DTNBP1: variants seen among roughly 807,000 people sequenced by gnomAD.
DTNBP1 encodes the protein dysbindin.
Under a neutral mutation model 42.8 loss-of-function variants are expected in DTNBP1, and 35 were observed. The ratio of observed to expected loss-of-function variants is 0.82; its 90% CI spans 0.63 to 1.09. DTNBP1 has a LOEUF of 1.09. Among genes scored for constraint, DTNBP1 ranks in the 50% least tolerant of loss-of-function variants. DTNBP1 has a pLI of 0.00. For missense variants in DTNBP1, 457 were observed against 424.2 expected (o/e 1.08, Z -0.68); for synonymous variants, 171 against 162.2 (o/e 1.05, Z -0.41).
intron 9 of DTNBP1, chr6:15,524,185 A>C: frequency 1.4e-6 from 2 of 1,470,682 alleles, no homozygotes; most frequent in Non-Finnish European, 1.8e-6. Context: ...CCCGCAGGAG[A>C]GTCCGCACCT....
At chr6:15,543,373 T>C (rs1387765752) in intron 7 of DTNBP1, among the ~76,000 whole-genome samples, 3 of 152,198 alleles carry the variant, frequency 2.0e-5, no homozygotes, top group Non-Finnish European at 2.9e-5. Context: ...ACAAAGCTTA[T>C]TCAGATTTCA....
intron 8 of DTNBP1, among the ~76,000 whole-genome samples, chr6:15,531,034 G>C (rs978499682): frequency 1.3e-5 from 2 of 152,128 alleles, no homozygotes; most frequent in Non-Finnish European, 2.9e-5. Flanking sequence ...CTGTGGTTGA[G>C]ATTAGCCCTA....
chr6:15,584,354 A>G (rs1775967281), intron 7 of DTNBP1, among the ~76,000 whole-genome samples: 1 of 152,148 alleles, frequency 6.6e-6, no homozygotes. Flanking sequence ...AGAGAAGAGA[A>G]AATATGTCAT....
intron 5 of DTNBP1, among the ~76,000 whole-genome samples, chr6:15,621,997 G>GA (rs1759069706): frequency 6.6e-6 from 1 of 152,130 alleles, no homozygotes; most frequent in South Asian, 2.1e-4. Context: ...TATCTCTCAG[G>GA]AATCAGTAAG....
At chr6:15,641,326 A>C (rs190867909) in intron 3 of DTNBP1, among the ~76,000 whole-genome samples, 10 of 152,300 alleles carry the variant, frequency 6.6e-5, no homozygotes, top group Admixed American at 6.5e-4. Flanking sequence ...TTCTAGACAG[A>C]AAACTGAGGG....
At chr6:15,575,931 G>A (rs1363730636) in intron 7 of DTNBP1, among the ~76,000 whole-genome samples, 1 of 152,162 alleles carries the variant, frequency 6.6e-6, no homozygotes, top group Non-Finnish European at 1.5e-5. Flanking sequence ...GTTGCGCTAC[G>A]TGCTGCTGGC....
intron 7 of DTNBP1, among the ~76,000 whole-genome samples, chr6:15,589,383 C>G (rs1324953144): frequency 6.6e-6 from 1 of 152,208 alleles, no homozygotes; most frequent in Non-Finnish European, 1.5e-5. Context: ...TGTTCTTCCC[C>G]TTTACGGGGT....
At chr6:15,629,431 A>G (rs1192396534) in intron 4 of DTNBP1, among the ~76,000 whole-genome samples, 1 of 152,194 alleles carries the variant, frequency 6.6e-6, no homozygotes, top group Non-Finnish European at 1.5e-5. Context: ...TTAAAGTGCA[A>G]TGTTTAAATA....
intron 7 of DTNBP1, among the ~76,000 whole-genome samples, chr6:15,571,269 A>C (rs1352278433): frequency 6.6e-6 from 1 of 152,238 alleles, no homozygotes; most frequent in Non-Finnish European, 1.5e-5. Flanking sequence ...TCATAACAAA[A>C]AGGGAAAATA....
intron 1 of DTNBP1, among the ~76,000 whole-genome samples, chr6:15,661,795 T>C (rs1412880350): frequency 1.3e-5 from 2 of 152,232 alleles, no homozygotes; most frequent in Non-Finnish European, 2.9e-5. Context: ...ATGAAAAAAT[T>C]AAAATTAAGC....
intron 7 of DTNBP1, among the ~76,000 whole-genome samples, chr6:15,582,487 A>G (rs1396273069): frequency 6.6e-6 from 1 of 152,234 alleles, no homozygotes; most frequent in Non-Finnish European, 1.5e-5. Flanking sequence ...CTAATTTATT[A>G]GAGTTTTAAT....
chr6:15,625,917 A>T (rs1173599021), intron 5 of DTNBP1, among the ~76,000 whole-genome samples: 2 of 152,232 alleles, frequency 1.3e-5, no homozygotes, highest in Non-Finnish European at 2.9e-5. Flanking sequence ...TGTAAGAGGA[A>T]ACCAATGCAG....
chr6:15,552,826 A>G (rs1249282701), intron 7 of DTNBP1, among the ~76,000 whole-genome samples: 1 of 152,228 alleles, frequency 6.6e-6, no homozygotes, highest in African/African-American at 2.4e-5. Context: ...CATCAATTCA[A>G]TACACAGAAA....
Position 15,578,511 on chromosome 6 carries a change from A to G in DTNBP1, c.511+14548T>C, listed in dbSNP as rs576645446. Among the ~76,000 whole-genome samples, 4 of 152,286 alleles carry G rather than the reference A, an allele frequency of 2.6e-5. No individual in the cohort carries two copies. In the South Asian group the frequency reaches 8.3e-4, roughly 32 times the overall value. ...ATGCAGGCAGGATGGAATTTAACCA[A>G]TTACATTTTTTCCAGCAACAGAGGG... On this transcript the variant is annotated intron_variant, in intron 7 of 9. Coordinates refer to ENST00000344537, the MANE Select transcript of DTNBP1 (RefSeq NM_032122.5).
intron 7 of DTNBP1, among the ~76,000 whole-genome samples, chr6:15,540,376 A>C (rs144797206): frequency 3.9e-5 from 6 of 152,324 alleles, no homozygotes; most frequent in African/African-American, 1.2e-4. Flanking sequence ...ATTCCAGAAT[A>C]GGCAGCTCAA....
intron 7 of DTNBP1, chr6:15,585,642 G>A: frequency 6.8e-7 from 1 of 1,478,144 alleles, no homozygotes; most frequent in South Asian, 1.2e-5. Context: ...TGCAAATACA[G>A]CAATGTATCC....
At chr6:15,525,077 C>T (rs114440803) in intron 8 of DTNBP1, among the ~76,000 whole-genome samples, 11 of 152,330 alleles carry the variant, frequency 7.2e-5, no homozygotes, top group African/African-American at 2.4e-4. Context: ...TCCCGGCAGG[C>T]GCACTCCTCT....
chr6:15,554,519 T>C (rs1561955666), intron 7 of DTNBP1, among the ~76,000 whole-genome samples: 1 of 152,134 alleles, frequency 6.6e-6, no homozygotes, highest in African/African-American at 2.4e-5. Flanking sequence ...TTATTTCTCA[T>C]GAAGGGTTGC....
At chr6:15,615,461 A>G (rs914707837) in intron 5 of DTNBP1, 62 bp from the exon 6 acceptor site, 1 of 1,587,292 alleles carries the variant, frequency 6.3e-7, no homozygotes, top group African/African-American at 1.3e-5. Context: ...GATGAATACA[A>G]AAAGTATCAA....
Sources: gnomAD v4.1 joint callset for allele counts (sites outside exome capture counted in the v4.1 genomes callset) on GRCh38, gnomAD v4.1.1 for gene constraint, MANE v1.5 for transcripts, NCBI Gene and HGNC (gene_info 2026-07-23, HGNC 2026-07-21) for gene names.